Variants in NXPE4 observed in about 807,000 individuals in gnomAD.
The protein encoded by NXPE4 is neurexophilin and PC-esterase domain family member 4, also known as NXPE family member 4.
In NXPE4, 42 loss-of-function variants were observed where a neutral mutation model predicts 33.3. The observed-to-expected ratio is 1.26, with a 90% confidence interval of 0.98 to 1.63. The LOEUF (loss-of-function observed/expected upper bound fraction) is 1.63. Ranked by LOEUF, NXPE4 falls within the 40% of genes most tolerant of loss-of-function variation. The probability of loss-of-function intolerance (pLI) is 0.00; values close to 1 mark genes in which losing one functional copy is unlikely to be tolerated. For synonymous variants in NXPE4, 253 were observed against 234.9 expected (o/e 1.08, Z -0.71); for missense variants, 709 against 647.6 (o/e 1.09, Z -1.03).
the NXPE4 span, among the ~76,000 whole-genome samples, chr11:114,665,261 A>G: frequency 1.3e-5 from 2 of 152,164 alleles, no homozygotes; most frequent in African/African-American, 4.8e-5. Context: ...TCTCTCAACC[A>G]GCTTTAAGTC....
At chr11:114,614,410 G>C in the NXPE4 span, among the ~76,000 whole-genome samples, 1 of 151,010 alleles carries the variant, frequency 6.6e-6, no homozygotes, top group Non-Finnish European at 1.5e-5. Flanking sequence ...GGTAACCACT[G>C]TTACCCAGTG....
chr11:114,634,801 C>A, the NXPE4 span, among the ~76,000 whole-genome samples: 3 of 152,002 alleles, frequency 2.0e-5, no homozygotes, highest in South Asian at 4.2e-4. Context: ...TCTGAGGGCT[C>A]TGTTCTGTTC....
the NXPE4 span, among the ~76,000 whole-genome samples, chr11:114,670,430 C>A: frequency 6.6e-6 from 1 of 152,046 alleles, no homozygotes; most frequent in Non-Finnish European, 1.5e-5. Flanking sequence ...CGCAGTGGCT[C>A]ACCTCTGTAA....
the NXPE4 span, among the ~76,000 whole-genome samples, chr11:114,639,151 C>A: frequency 1.3e-5 from 2 of 152,054 alleles, no homozygotes; most frequent in African/African-American, 4.8e-5. Context: ...CTTTGTTTAC[C>A]TAAGCAAGCC....
the NXPE4 span, among the ~76,000 whole-genome samples, chr11:114,603,965 C>T: frequency 6.6e-6 from 1 of 151,488 alleles, no homozygotes; most frequent in South Asian, 2.1e-4. Context: ...TAGGTAACTA[C>T]TATTACCTGG....
intron 5 of NXPE4, among the ~76,000 whole-genome samples, chr11:114,576,686 C>T (rs1949000637): frequency 6.6e-6 from 1 of 151,258 alleles, no homozygotes; most frequent in South Asian, 2.1e-4. Context: ...CAAAAAAAAT[C>T]AATAATGTTG....
upstream of NXPE4, among the ~76,000 whole-genome samples, chr11:114,596,143 C>T (rs1050017828): frequency 6.6e-5 from 10 of 152,260 alleles, no homozygotes; most frequent in South Asian, 2.1e-4. Context: ...GATTCAAGTG[C>T]GTATTATCTC....
the NXPE4 span, among the ~76,000 whole-genome samples, chr11:114,671,063 A>T: frequency 2.7e-5 from 4 of 147,986 alleles, no homozygotes; most frequent in East Asian, 7.8e-4. Flanking sequence ...ATATAAATAT[A>T]TACATAAATA....
Position 114,570,894 on chromosome 11 carries a change from A to C in NXPE4, c.*44T>G, listed in dbSNP as rs1214435344. The C allele has an allele frequency of 1.4e-6, 2 of 1,408,310 alleles. No homozygotes were observed. The highest frequency in any genetic ancestry group is 2.5e-5 in the East Asian group (1 of 40,228). The allele number at this position is 1,408,310 out of a possible 1,614,324, so 87.2% of individuals were successfully genotyped here. A position where few individuals can be genotyped will look rare whatever the true frequency, so the allele number is the denominator to read the frequency against. ...TCTGGCCTGCTAGTAGACAGTCAAT[A>C]AATTTTTTTACTTAAGTGAATGAAT... is the stretch of plus-strand genomic sequence containing the variant. On this transcript the variant is annotated 3_prime_UTR_variant, in exon 6 of 6. Coordinates refer to ENST00000375478, the MANE Select transcript of NXPE4 (RefSeq NM_001077639.2).
At chr11:114,609,440 T>C in the NXPE4 span, among the ~76,000 whole-genome samples, 3 of 150,998 alleles carry the variant, frequency 2.0e-5, no homozygotes, top group East Asian at 5.9e-4. Flanking sequence ...GTTGCCTCTC[T>C]GGTAACCACT....
At chr11:114,590,556 C>CTTTAGGTTT (rs1949426570) in intron 2 of NXPE4, among the ~76,000 whole-genome samples, 1 of 152,150 alleles carries the variant, frequency 6.6e-6, no homozygotes, top group Non-Finnish European at 1.5e-5. Flanking sequence ...GCTCAAAAGG[C>CTTTAGGTTT]CTTTAGCCAG....
the NXPE4 span, among the ~76,000 whole-genome samples, chr11:114,616,792 A>G: frequency 6.6e-6 from 1 of 151,782 alleles, no homozygotes; most frequent in African/African-American, 2.4e-5. Flanking sequence ...TACCACTGTT[A>G]CACAGTGGAT....
At chr11:114,649,543 G>A in the NXPE4 span, among the ~76,000 whole-genome samples, 1 of 152,316 alleles carries the variant, frequency 6.6e-6, no homozygotes, top group South Asian at 2.1e-4. Flanking sequence ...AAGCTATAGA[G>A]ACAGAAAGCC....
chr11:114,632,912 A>G, the NXPE4 span, among the ~76,000 whole-genome samples: 2 of 87,228 alleles, frequency 2.3e-5, no homozygotes, highest in Non-Finnish European at 4.0e-5. Flanking sequence ...ATACAATATT[A>G]TATTTTATAT....
the NXPE4 span, among the ~76,000 whole-genome samples, chr11:114,609,219 T>G: frequency 1.3e-5 from 2 of 151,578 alleles, no homozygotes; most frequent in South Asian, 2.1e-4. Context: ...AGATACTGAG[T>G]TTTGCTTCGT....
At chr11:114,576,729 A>T (rs1185830452) in intron 5 of NXPE4, among the ~76,000 whole-genome samples, 1 of 152,038 alleles carries the variant, frequency 6.6e-6, no homozygotes, top group East Asian at 1.9e-4. Context: ...ACACTTTTAC[A>T]CTGTTGGTGG....
the NXPE4 span, among the ~76,000 whole-genome samples, chr11:114,626,404 CA>C: frequency 6.6e-6 from 1 of 152,204 alleles, no homozygotes; most frequent in African/African-American, 2.4e-5. Context: ...AGGCACCCCC[CA>C]ACAGGGGCAG....
At chr11:114,597,340 AATG>A (rs1487529575), upstream of NXPE4, among the ~76,000 whole-genome samples, 7 of 152,208 alleles carry the variant, frequency 4.6e-5, no homozygotes, top group Admixed American at 2.0e-4. Flanking sequence ...CTGAAATCTG[AATG>A]ATATTAACCA....
chr11:114,570,847 G>A lies in NXPE4; in HGVS notation c.*91C>T. 1.2e-6 allele frequency: 1 copy of A among 850,840 alleles called. No homozygotes were observed. Among genetic ancestry groups the A allele is most frequent in the Non-Finnish European group, 1.8e-6 (1 of 556,458 alleles). The allele number at this position is 850,840 out of a possible 1,614,324, so 52.7% of individuals were successfully genotyped here. On this transcript the variant is annotated 3_prime_UTR_variant, in exon 6 of 6. Coordinates refer to ENST00000375478, the MANE Select transcript of NXPE4 (RefSeq NM_001077639.2). Reference sequence around the variant, plus strand: ...TAGATTCTCTGCTCTTGCTAGTTGGGAATTCAGAGCCAAACACAGCATCTG... The same window carrying A: ...TAGATTCTCTGCTCTTGCTAGTTGGAAATTCAGAGCCAAACACAGCATCTG...
Sources: gnomAD v4.1 joint callset for allele counts (sites outside exome capture counted in the v4.1 genomes callset) on GRCh38, gnomAD v4.1.1 for gene constraint, MANE v1.5 for transcripts, NCBI Gene and HGNC (gene_info 2026-07-23, HGNC 2026-07-21) for gene names.